CNBD1: variants seen among roughly 807,000 people sequenced by gnomAD.
CNBD1 encodes the protein cyclic nucleotide binding domain containing 1.
Under a neutral mutation model 54.4 loss-of-function variants are expected in CNBD1, and 71 were observed. The observed-to-expected ratio is 1.30, with a 90% CI of 1.08 to 1.59. The LOEUF is 1.59. CNBD1 is among the 40% of genes most tolerant of loss of function. CNBD1 has a pLI of 0.00. For synonymous variants in CNBD1, 182 were observed against 170.7 expected, an observed-to-expected ratio of 1.07 and a Z score of -0.51; for missense variants, 659 against 518.0, an observed-to-expected ratio of 1.27 and a Z score of -2.64.
intron 4 of CNBD1, among the ~76,000 whole-genome samples, chr8:87,095,536 A>ATGTGTGTG (rs1385046451): frequency 2.0e-5 from 3 of 152,238 alleles, no homozygotes; most frequent in Admixed American, 1.3e-4. Flanking sequence ...TTACTAGAGT[A>ATGTGTGTG]TGTGTCTACG....
chr8:87,385,026 G>T (rs1307881282), downstream of CNBD1, among the ~76,000 whole-genome samples: 2 of 152,152 alleles, frequency 1.3e-5, no homozygotes, highest in East Asian at 3.9e-4. Context: ...TCTGACTTAA[G>T]TTTTCAAATA....
At chr8:87,320,190 C>T (rs1227047001) in intron 8 of CNBD1, among the ~76,000 whole-genome samples, 1 of 151,994 alleles carries the variant, frequency 6.6e-6, no homozygotes, top group Non-Finnish European at 1.5e-5. Flanking sequence ...CTTATACTAG[C>T]TTAACTTTTT....
At chr8:87,180,940 G>A (rs1010096636) in intron 4 of CNBD1, among the ~76,000 whole-genome samples, 1 of 152,126 alleles carries the variant, frequency 6.6e-6, no homozygotes, top group Non-Finnish European at 1.5e-5. Context: ...GTTCCACAAA[G>A]CAGATGGGCC....
At chr8:87,261,499 C>T (rs1808139083) in intron 6 of CNBD1, among the ~76,000 whole-genome samples, 1 of 147,780 alleles carries the variant, frequency 6.8e-6, no homozygotes, top group African/African-American at 2.5e-5. Flanking sequence ...TCCAGCCCAG[C>T]CACATGGTGG....
chr8:87,338,510 A>C (rs1810000206), intron 8 of CNBD1, among the ~76,000 whole-genome samples: 1 of 151,526 alleles, frequency 6.6e-6, no homozygotes, highest in Admixed American at 6.6e-5. Flanking sequence ...AACATGTTAA[A>C]TATTTTACTC....
At chr8:86,877,632 G>A (rs1054364517) in intron 1 of CNBD1, among the ~76,000 whole-genome samples, 3 of 152,044 alleles carry the variant, frequency 2.0e-5, no homozygotes, top group South Asian at 2.1e-4. Context: ...GCTGCTAATC[G>A]AGTAACACCT....
intron 7 of CNBD1, among the ~76,000 whole-genome samples, chr8:87,285,773 G>A (rs1167839934): frequency 6.6e-6 from 1 of 152,178 alleles, no homozygotes; most frequent in Non-Finnish European, 1.5e-5. Flanking sequence ...GGGAGGCTGA[G>A]GCAGGAGAAT....
In CNBD1 at chr8:87,322,624, G is replaced by A. The variant is rs1193128658; in HGVS notation, c.1043-29061G>A. 6.1e-3 allele frequency among the ~76,000 whole-genome samples: 572 copies of A among 94,152 alleles called. 46 individuals are homozygous for A. Among genetic ancestry groups the A allele is most frequent in the African/African-American group, 0.022 (543 of 24,152 alleles). 61.8% of individuals were successfully genotyped at this position (94,152 alleles called of 152,430 possible). A position where few individuals can be genotyped will look rare whatever the true frequency, so the allele number is the denominator to read the frequency against. On this transcript the variant is annotated intron_variant, in intron 8 of 10. Coordinates refer to ENST00000518476, the MANE Select transcript of CNBD1 (RefSeq NM_173538.3). ...CTTCTTTTGAGAAGTGTCTGTTCAT[G>A]TCCTTCGCCCACTTTTTGATGGGGT...
intron 5 of CNBD1, among the ~76,000 whole-genome samples, chr8:87,213,346 C>T (rs1814141562): frequency 6.6e-6 from 1 of 152,080 alleles, no homozygotes; most frequent in Admixed American, 6.5e-5. Flanking sequence ...TCTCACACTC[C>T]TAATAAAGAC....
chr8:87,415,805 G>A (rs971652328), intron 2 of CNBD1, among the ~76,000 whole-genome samples: 1 of 151,298 alleles, frequency 6.6e-6, no homozygotes. Context: ...TTATCAAACG[G>A]GAATAATAAA....
chr8:87,012,760 T>C (rs951146204), intron 4 of CNBD1, among the ~76,000 whole-genome samples: 5 of 152,188 alleles, frequency 3.3e-5, no homozygotes, highest in African/African-American at 1.2e-4. Flanking sequence ...CTTCAACCAA[T>C]TGTCAACCAG....
chr8:87,180,155 G>GA lies in CNBD1; in HGVS notation c.432-25829dup, dbSNP rs897441456. Among the ~76,000 whole-genome samples the GA allele has an allele frequency of 9.3e-5, 14 of 149,864 alleles. No individual in the cohort carries two copies. In the East Asian group the frequency reaches 9.8e-4, roughly 10 times the overall value. On this transcript the variant is annotated intron_variant, in intron 4 of 10. Transcript: ENST00000518476. ...TGAGACTGCCCAGGAAATGCATATAGAAAAAAAAATACCCAAGCCATGATT... is the reference window on the plus strand; with the variant it reads ...TGAGACTGCCCAGGAAATGCATATAGAAAAAAAAAATACCCAAGCCATGATT...
intron 4 of CNBD1, among the ~76,000 whole-genome samples, chr8:87,069,283 C>A (rs2130649847): frequency 6.6e-6 from 1 of 152,076 alleles, no homozygotes; most frequent in East Asian, 1.9e-4. Context: ...TTTGGCAATG[C>A]CTATGTCAAG....
chr8:87,071,042 C>T (rs1810749906), intron 4 of CNBD1, among the ~76,000 whole-genome samples: 1 of 151,912 alleles, frequency 6.6e-6, no homozygotes, highest in Admixed American at 6.6e-5. Context: ...GAAATTTCGA[C>T]TGATGATTAA....
chr8:86,938,924 A>G (rs1238589630), intron 3 of CNBD1, among the ~76,000 whole-genome samples: 1 of 152,228 alleles, frequency 6.6e-6, no homozygotes, highest in East Asian at 1.9e-4. Context: ...GTATATAATT[A>G]AAGGTCTATT....
chr8:87,407,515 G>T (rs1307761852), intron 2 of CNBD1, among the ~76,000 whole-genome samples: 1 of 151,920 alleles, frequency 6.6e-6, no homozygotes, highest in Non-Finnish European at 1.5e-5. Context: ...CTGTATCTCA[G>T]AATGGAATTT....
At position 87,029,156 on chromosome 8, in the gene CNBD1, A is replaced by G. The variant is rs117334402; in HGVS notation, c.431+89402A>G. Among the ~76,000 whole-genome samples the G allele has an allele frequency of 2.0e-3, 301 of 152,330 alleles. 10 individuals carry two copies. Among genetic ancestry groups the G allele is most frequent in the Admixed American group, 0.017 (261 of 15,296 alleles). On this transcript the variant is annotated intron_variant, in intron 4 of 10. Transcript: ENST00000518476. ...TATTTGTCCCTAAATTGTTTCCATG[A>G]TAATGTGTTTCTACTCCAATTCCTC...
At chr8:87,058,814 G>C (rs977695718) in intron 4 of CNBD1, among the ~76,000 whole-genome samples, 8 of 152,176 alleles carry the variant, frequency 5.3e-5, no homozygotes, top group African/African-American at 1.7e-4. Context: ...GACATGCCCT[G>C]CAAACATTTT....
rs1436150838 is a variant in CNBD1 at position 86,956,317 on chromosome 8, C to G, written c.431+16563C>G. 2.6e-5 allele frequency among the ~76,000 whole-genome samples: 4 copies of G among 152,064 alleles called. No individual in the cohort carries two copies. In the East Asian group the frequency reaches 7.7e-4, roughly 29 times the overall value. Reference sequence around the variant, plus strand: ...TAGGATTGTCTTGGCTATGTGTGCTCTTTTTTGGTTCCATATCAACTTTAA... The same window carrying G: ...TAGGATTGTCTTGGCTATGTGTGCTGTTTTTTGGTTCCATATCAACTTTAA... On this transcript the variant is annotated intron_variant, in intron 4 of 10. Coordinates refer to ENST00000518476, the MANE Select transcript of CNBD1 (RefSeq NM_173538.3).
Sources: allele counts gnomAD v4.1 joint callset (sites outside exome capture counted in the v4.1 genomes callset), GRCh38; gene constraint gnomAD v4.1.1; transcripts MANE v1.5; gene names NCBI Gene and HGNC (gene_info 2026-07-23, HGNC 2026-07-21).